SLC4A10: variants seen among roughly 807,000 people sequenced by gnomAD.
SLC4A10 encodes solute carrier family 4 member 10, also known as sodium-driven chloride bicarbonate exchanger.
Under a neutral mutation model 137.7 loss-of-function variants are expected in SLC4A10, and 42 were observed. The ratio of observed to expected loss-of-function variants is 0.30; its 90% CI spans 0.24 to 0.39. The LOEUF (loss-of-function observed/expected upper bound fraction) is 0.39, where lower values mean the gene tolerates loss of function less well. Ranked by LOEUF, SLC4A10 falls within the 10% of genes least tolerant of loss-of-function variation. The pLI is 1.00. For missense variants in SLC4A10, 925 were observed against 1,355.0 expected (o/e 0.68, Z 4.98); for synonymous variants, 474 against 464.1 (o/e 1.02, Z -0.27).
chr2:161,690,665 C>T (rs919174434), intron 1 of SLC4A10, among the ~76,000 whole-genome samples: 7 of 151,888 alleles, frequency 4.6e-5, no homozygotes, highest in Non-Finnish European at 8.8e-5. Flanking sequence ...GAGCAGAAAG[C>T]CTCCTCATTA....
chr2:161,906,867 A>G (rs1360069077), intron 15 of SLC4A10, among the ~76,000 whole-genome samples: 1 of 152,062 alleles, frequency 6.6e-6, no homozygotes, highest in African/African-American at 2.4e-5. Context: ...ATCCTGGCTA[A>G]CACAGTGAAA....
At chr2:161,632,776 G>A (rs1272963711) in intron 1 of SLC4A10, among the ~76,000 whole-genome samples, 1 of 151,270 alleles carries the variant, frequency 6.6e-6, no homozygotes, top group Non-Finnish European at 1.5e-5. Flanking sequence ...AAACCTCTAG[G>A]TGATTCTTAT....
chr2:161,719,882 G>A (rs922084348), intron 1 of SLC4A10, among the ~76,000 whole-genome samples: 2 of 152,134 alleles, frequency 1.3e-5, no homozygotes, highest in African/African-American at 4.8e-5. Context: ...TTGCTGTGCA[G>A]AAGCTCTTTA....
At chr2:161,708,777 G>A (rs933684612) in intron 1 of SLC4A10, 1 of 1,532,712 alleles carries the variant, frequency 6.5e-7, no homozygotes. Flanking sequence ...TCTGGAAATA[G>A]AAAGGTCATG....
rs903386932 is a variant in SLC4A10 at position 161,670,530 on chromosome 2, G to A, written c.48+45964G>A. On this transcript the variant is annotated intron_variant, in intron 1 of 26. Coordinates refer to ENST00000446997, the MANE Select transcript of SLC4A10 (RefSeq NM_001178015.2). ...TTGAGTCCTTTCTGTGCTTGGCCAG[G>A]TTTTATCTCGTGCGTACATAATTTA... Among the ~76,000 whole-genome samples the A allele has an allele frequency of 4.6e-5, 7 of 151,612 alleles. No homozygotes were observed. The East Asian group carries it at 1.4e-3, about 30-fold the overall frequency.
chr2:161,723,801 T>G (rs1394125601), intron 1 of SLC4A10, among the ~76,000 whole-genome samples: 3 of 152,170 alleles, frequency 2.0e-5, no homozygotes, highest in Non-Finnish European at 4.4e-5. Flanking sequence ...ACATTCCAAG[T>G]AAATATAATT....
chr2:161,636,692 C>CT (rs1404149325), intron 1 of SLC4A10, among the ~76,000 whole-genome samples: 1 of 151,166 alleles, frequency 6.6e-6, no homozygotes, highest in Non-Finnish European at 1.5e-5. Context: ...CACGCCTGAC[C>CT]TTTTTATTTT....
intron 1 of SLC4A10, among the ~76,000 whole-genome samples, chr2:161,750,735 A>G (rs1047839245): frequency 1.3e-5 from 2 of 151,738 alleles, no homozygotes; most frequent in East Asian, 1.9e-4. Flanking sequence ...GTATATGTCT[A>G]TTGAGTTCAT....
intron 23 of SLC4A10, among the ~76,000 whole-genome samples, chr2:161,966,209 AT>A (rs1697549896): frequency 6.6e-6 from 1 of 152,142 alleles, no homozygotes; most frequent in Non-Finnish European, 1.5e-5. Context: ...GTAATGTGTA[AT>A]TGGTAATTCC....
intron 1 of SLC4A10, among the ~76,000 whole-genome samples, chr2:161,732,240 G>C (rs947470073): frequency 1.3e-5 from 2 of 152,146 alleles, no homozygotes; most frequent in African/African-American, 4.8e-5. Flanking sequence ...CCAGAGGTTG[G>C]GGGGTGGAGC....
intron 11 of SLC4A10, among the ~76,000 whole-genome samples, chr2:161,896,038 T>C (rs2063459900): frequency 6.6e-6 from 1 of 152,150 alleles, no homozygotes; most frequent in Non-Finnish European, 1.5e-5. Context: ...AGGGTTTTTA[T>C]GGTTTTAGGT....
intron 1 of SLC4A10, chr2:161,710,780 A>T (rs1559082599): frequency 4.4e-6 from 2 of 449,760 alleles, no homozygotes; most frequent in Non-Finnish European, 9.0e-6. Context: ...CTATTTGAGT[A>T]ATTCTTCAAT....
Position 161,872,377 on chromosome 2 carries a change from T to C in SLC4A10, c.851T>C (p.Phe284Ser). The change falls in exon 7 of 27, where the codon TTT (phenylalanine) becomes TCT (serine). Residue 284 changes from phenylalanine to serine, a missense_variant. This residue lies in a region of SLC4A10 where 277 missense variants were observed against 306.1 expected (regional missense o/e 0.90). Transcript: ENST00000446997. ...DVSRENSTVD[F>S]SKGLGGQQKG... is the part of the protein sequence containing the mutation. Reference sequence around the variant, plus strand: ...AGCAGAGAAAACAGCACTGTTGACTTTAGCAAGGTGAGCTTTTCTCCCTCT... The same window carrying C: ...AGCAGAGAAAACAGCACTGTTGACTCTAGCAAGGTGAGCTTTTCTCCCTCT... 2 of 1,613,066 alleles carry C rather than the reference T, an allele frequency of 1.2e-6. No individual in the cohort carries two copies. Among genetic ancestry groups the C allele is most frequent in the South Asian group, 2.2e-5 (2 of 91,050 alleles).
chr2:161,730,368 G>A (rs935144613), intron 1 of SLC4A10, among the ~76,000 whole-genome samples: 57 of 152,112 alleles, frequency 3.7e-4, no homozygotes, highest in African/African-American at 1.3e-3. Flanking sequence ...GACAGATTTT[G>A]GTTTCATTTG....
intron 15 of SLC4A10, among the ~76,000 whole-genome samples, chr2:161,906,607 T>C (rs1458659659): frequency 1.3e-5 from 2 of 152,234 alleles, no homozygotes; most frequent in Non-Finnish European, 2.9e-5. Flanking sequence ...CAGTTTTTTA[T>C]ACTGCAAATA....
intron 15 of SLC4A10, among the ~76,000 whole-genome samples, chr2:161,914,552 G>C (rs1686639846): frequency 6.6e-6 from 1 of 152,034 alleles, no homozygotes; most frequent in Non-Finnish European, 1.5e-5. Flanking sequence ...TATCTTCATG[G>C]TCTATAAAAC....
At chr2:161,944,170 A>G (rs530320474) in intron 16 of SLC4A10, among the ~76,000 whole-genome samples, 2 of 151,984 alleles carry the variant, frequency 1.3e-5, no homozygotes, top group Admixed American at 6.6e-5. Context: ...ACTGAACAAT[A>G]AAAGAATTGA....
chr2:161,706,722 C>A (rs557478431), intron 1 of SLC4A10, among the ~76,000 whole-genome samples: 100 of 151,686 alleles, frequency 6.6e-4, no homozygotes, highest in African/African-American at 2.3e-3. Context: ...CTCATCTCTT[C>A]CCTCTGTTCT....
chr2:161,857,779 A>G (rs62187757), intron 5 of SLC4A10, among the ~76,000 whole-genome samples: 9,254 of 152,292 alleles, frequency 0.061, 374 homozygotes, highest in East Asian at 0.13. Flanking sequence ...TCATAACAAC[A>G]TATAAAGTAG....
Sources: allele counts gnomAD v4.1 joint callset (sites outside exome capture counted in the v4.1 genomes callset), GRCh38; gene constraint gnomAD v4.1.1; regional missense constraint gnomAD v4.1.1; transcripts MANE v1.5; gene names NCBI Gene and HGNC (gene_info 2026-07-23, HGNC 2026-07-21).